The following CELF1 variants were observed in gnomAD, a reference collection of about 807,000 sequenced individuals.
CELF1 encodes CUGBP Elav-like family member 1, also known as 50 kDa nuclear polyadenylated RNA-binding protein.
Under a neutral mutation model 61.8 loss-of-function variants are expected in CELF1, and 10 were observed. The observed-to-expected ratio is 0.16, with a 90% confidence interval of 0.10 to 0.27. The LOEUF is 0.27. Among genes scored for constraint, CELF1 ranks in the 10% least tolerant of loss-of-function variants. The pLI is 1.00. For synonymous variants in CELF1, 236 were observed against 225.1 expected, an observed-to-expected ratio of 1.05 and a Z score of -0.43; for missense variants, 380 against 639.1, an observed-to-expected ratio of 0.59 and a Z score of 4.37.
chr11:47,513,549 T>C (rs2095364085), intron 1 of CELF1: 1 of 151,750 alleles, frequency 6.6e-6, no homozygotes, highest in South Asian at 2.1e-4. Context: ...AAGCTCCGCC[T>C]CTCGGGTGCA....
At position 47,472,007 on chromosome 11, in the gene CELF1, A is replaced by G. The variant is rs1230815705; in HGVS notation, c.*223T>C. 1 of 512,656 alleles carries G rather than the reference A, an allele frequency of 2.0e-6. No individual in the cohort carries two copies. Among genetic ancestry groups the G allele is most frequent in the Non-Finnish European group, 3.5e-6 (1 of 287,430 alleles). The allele number at this position is 512,656 out of a possible 1,614,324, so 31.8% of individuals were successfully genotyped here. A position where few individuals can be genotyped will look rare whatever the true frequency, so the allele number is the denominator to read the frequency against. ...CCTCAGGATATGGCACCTAAACTCC[A>G]AAGTAAAACACTGGAAACCAAAGCA... On this transcript the variant is annotated 3_prime_UTR_variant, in exon 15 of 15. Transcript: ENST00000687097.
At chr11:47,534,707 G>A (rs1401608590) in intron 1 of CELF1, among the ~76,000 whole-genome samples, 4 of 152,094 alleles carry the variant, frequency 2.6e-5, no homozygotes, top group African/African-American at 7.2e-5. Context: ...CAGCCTAGGC[G>A]ACAGAGCGAG....
At chr11:47,544,178 G>T (rs1331545062) in intron 1 of CELF1, among the ~76,000 whole-genome samples, 1 of 152,138 alleles carries the variant, frequency 6.6e-6, no homozygotes, top group Non-Finnish European at 1.5e-5. Flanking sequence ...GGAACAAAAG[G>T]AACACTGACA....
upstream of CELF1, among the ~76,000 whole-genome samples, chr11:47,554,619 C>A (rs1168971329): frequency 1.3e-5 from 2 of 152,018 alleles, no homozygotes; most frequent in African/African-American, 4.8e-5. Context: ...TGCTTTCAAT[C>A]CCACTTTCAT....
At chr11:47,485,336 A>C (rs1050833506) in intron 6 of CELF1, among the ~76,000 whole-genome samples, 9 of 152,046 alleles carry the variant, frequency 5.9e-5, no homozygotes, top group African/African-American at 2.2e-4. Flanking sequence ...ATGTACCACC[A>C]CACCCAGCTA....
intron 1 of CELF1, among the ~76,000 whole-genome samples, chr11:47,552,776 T>A (rs2097175866): frequency 6.6e-6 from 1 of 152,036 alleles, no homozygotes; most frequent in South Asian, 2.1e-4. Context: ...GGGCACGCGC[T>A]GGGCAAACGC....
chr11:47,473,051 C>T (rs1422787157), intron 14 of CELF1, 37 bp downstream of exon 14: 2 of 1,603,294 alleles, frequency 1.2e-6, no homozygotes, highest in Admixed American at 1.7e-5. Flanking sequence ...TGGTAAAATA[C>T]TAATCCCATC....
intron 1 of CELF1, among the ~76,000 whole-genome samples, chr11:47,545,916 T>TATATA (rs1491312774): frequency 2.6e-4 from 19 of 74,134 alleles, no homozygotes; most frequent in African/African-American, 1.4e-3. Flanking sequence ...TATATATATA[T>TATATA]TTTTTTTTTT....
chr11:47,474,541 T>C (rs1005069658), intron 13 of CELF1, among the ~76,000 whole-genome samples: 1 of 152,224 alleles, frequency 6.6e-6, no homozygotes, highest in East Asian at 1.9e-4. Context: ...TTATTGTCTG[T>C]CTCCACAGTC....
intron 1 of CELF1, among the ~76,000 whole-genome samples, chr11:47,520,879 G>A (rs1430523536): frequency 2.0e-5 from 3 of 152,134 alleles, no homozygotes; most frequent in Admixed American, 2.0e-4. Context: ...AAATAGTCTG[G>A]TACTAGTGGA....
At chr11:47,490,058 C>G (rs942029338) in intron 3 of CELF1, among the ~76,000 whole-genome samples, 3 of 149,734 alleles carry the variant, frequency 2.0e-5, no homozygotes, top group African/African-American at 7.4e-5. Flanking sequence ...CCTGCCTCAG[C>G]CTCCCAAGTG....
intron 3 of CELF1, chr11:47,494,367 CCAT>C (rs1454561060): frequency 3.1e-6 from 3 of 983,178 alleles, no homozygotes; most frequent in Non-Finnish European, 3.6e-6. Flanking sequence ...GCTTCTGCTG[CCAT>C]TATTAAGAAT....
intron 3 of CELF1, among the ~76,000 whole-genome samples, chr11:47,498,149 A>G (rs2093431842): frequency 6.6e-6 from 1 of 152,188 alleles, no homozygotes; most frequent in Non-Finnish European, 1.5e-5. Flanking sequence ...ATCCACTTCA[A>G]AAGAGTAAGA....
At chr11:47,525,474 G>A (rs1430346138) in intron 1 of CELF1, among the ~76,000 whole-genome samples, 1 of 152,136 alleles carries the variant, frequency 6.6e-6, no homozygotes, top group Non-Finnish European at 1.5e-5. Flanking sequence ...TACCACCTAT[G>A]TAATTTTATT....
chr11:47,531,533 C>T (rs184353039), intron 1 of CELF1, among the ~76,000 whole-genome samples: 1 of 151,338 alleles, frequency 6.6e-6, no homozygotes, highest in Non-Finnish European at 1.5e-5. Context: ...CACACCACTA[C>T]ACTCCAGCCT....
At chr11:47,541,751 AAAGAACG>A in intron 1 of CELF1, among the ~76,000 whole-genome samples, 1 of 10,560 alleles carries the variant, frequency 9.5e-5, no homozygotes, top group African/African-American at 2.1e-4. Flanking sequence ...CGAAAGAAAG[AAAGAACG>A]AAAGAAAGAA....
Position 47,468,956 on chromosome 11 carries a change from CAA to C in CELF1, c.*3272_*3273del, listed in dbSNP as rs1415160562. On this transcript the variant is annotated 3_prime_UTR_variant, in exon 15 of 15. Transcript: ENST00000687097. ...AGTTACACAGAGCAATACATCCAAACAAAGAGAGAGAGAACAGGAACACTCAC... is the reference window on the plus strand; with the variant it reads ...AGTTACACAGAGCAATACATCCAAACAGAGAGAGAGAACAGGAACACTCAC... The C allele has an allele frequency of 2.0e-5, 3 of 152,058 alleles. No homozygotes were observed. Among genetic ancestry groups the C allele is most frequent in the Non-Finnish European group, 4.4e-5 (3 of 68,032 alleles). 9.4% of individuals were successfully genotyped at this position (152,058 alleles called of 1,614,324 possible).
At chr11:47,563,838 T>C (rs2153792125) in intron 2 of CELF1, among the ~76,000 whole-genome samples, 1 of 151,868 alleles carries the variant, frequency 6.6e-6, no homozygotes, top group South Asian at 2.1e-4. Context: ...CTGGCCAACA[T>C]GGTGAAACCC....
chr11:47,533,699 A>G (rs2096550387), intron 1 of CELF1, among the ~76,000 whole-genome samples: 1 of 151,096 alleles, frequency 6.6e-6, no homozygotes, highest in African/African-American at 2.4e-5. Context: ...AATCCCAGCT[A>G]CTTGGGAGGC....
Sources: gnomAD v4.1 joint callset for allele counts (sites outside exome capture counted in the v4.1 genomes callset) on GRCh38, gnomAD v4.1.1 for gene constraint, MANE v1.5 for transcripts, NCBI Gene and HGNC (gene_info 2026-07-23, HGNC 2026-07-21) for gene names.